The following MACROD2 variants were observed in gnomAD, a reference collection of about 807,000 sequenced individuals.
MACROD2 encodes the protein mono-ADP ribosylhydrolase 2.
In MACROD2, 36 loss-of-function variants were observed where a neutral mutation model predicts 70.4. The observed-to-expected ratio is 0.51, with a 90% CI of 0.39 to 0.68. MACROD2 has a LOEUF of 0.68. Among genes scored for constraint, MACROD2 ranks in the 30% least tolerant of loss-of-function variants. MACROD2 has a pLI of 0.00. For missense variants in MACROD2, 496 were observed against 538.4 expected, an observed-to-expected ratio of 0.92 and a Z score of 0.78; for synonymous variants, 172 against 178.8, an observed-to-expected ratio of 0.96 and a Z score of 0.30.
intron 5 of MACROD2, among the ~76,000 whole-genome samples, chr20:14,955,009 T>A (rs371102380): frequency 1.0e-5 from 1 of 97,616 alleles, no homozygotes; most frequent in Non-Finnish European, 1.9e-5. Context: ...ATATTTATAT[T>A]TATATTATAT....
chr20:15,638,460 A>G (rs766700159), intron 8 of MACROD2, among the ~76,000 whole-genome samples: 1 of 152,196 alleles, frequency 6.6e-6, no homozygotes, highest in Non-Finnish European at 1.5e-5. Context: ...TAACAGGTGA[A>G]TGTCATAGGC....
At position 15,171,625 on chromosome 20, in the gene MACROD2, C is replaced by G. The variant is rs73258868; in HGVS notation, c.419-58315C>G. On this transcript the variant is annotated intron_variant, in intron 5 of 17. Coordinates refer to ENST00000684519, the MANE Select transcript of MACROD2 (RefSeq NM_001351661.2). Reference sequence around the variant, plus strand: ...CCATCCCACTCAGTCTCTCTTCTCTCTCTCTCTCCCCTCTCTTTCTCTCAA... The same window carrying G: ...CCATCCCACTCAGTCTCTCTTCTCTGTCTCTCTCCCCTCTCTTTCTCTCAA... Among the ~76,000 whole-genome samples, 480 of 152,206 alleles carry G rather than the reference C, an allele frequency of 3.2e-3. 3 individuals carry two copies. Among genetic ancestry groups the G allele is most frequent in the African/African-American group, 0.011 (462 of 41,530 alleles).
At chr20:15,133,424 A>G (rs1412560345) in intron 5 of MACROD2, among the ~76,000 whole-genome samples, 1 of 152,182 alleles carries the variant, frequency 6.6e-6, no homozygotes, top group South Asian at 2.1e-4. Context: ...ATTGTTGGTA[A>G]GTCTCATACA....
intron 7 of MACROD2, among the ~76,000 whole-genome samples, chr20:15,435,763 T>G (rs1450419696): frequency 1.3e-5 from 2 of 152,128 alleles, no homozygotes; most frequent in Non-Finnish European, 2.9e-5. Flanking sequence ...GATTTCACCC[T>G]AGAGAGAGTA....
chr20:15,288,625 G>T (rs1169800610), intron 6 of MACROD2, among the ~76,000 whole-genome samples: 4 of 152,054 alleles, frequency 2.6e-5, no homozygotes, highest in African/African-American at 4.8e-5. Flanking sequence ...CCGGAACTAG[G>T]ATCCCGTTTT....
chr20:15,294,835 T>TA (rs1204983122), intron 6 of MACROD2, among the ~76,000 whole-genome samples: 1 of 152,102 alleles, frequency 6.6e-6, no homozygotes, highest in African/African-American at 2.4e-5. Context: ...ATAAACCCAT[T>TA]AAAAAACAAA....
chr20:15,234,010 T>TATA (rs1299319044), intron 6 of MACROD2, among the ~76,000 whole-genome samples: 136 of 42,382 alleles, frequency 3.2e-3, no homozygotes, highest in Middle Eastern at 0.016. Flanking sequence ...TATATATATA[T>TATA]TCTTTTTTTT....
At chr20:15,206,226 A>G (rs1431061350) in intron 5 of MACROD2, among the ~76,000 whole-genome samples, 1 of 152,248 alleles carries the variant, frequency 6.6e-6, no homozygotes, top group Non-Finnish European at 1.5e-5. Context: ...AAAAATCAAG[A>G]AGCAAATATG....
At chr20:14,767,592 C>T (rs1006708774) in intron 5 of MACROD2, among the ~76,000 whole-genome samples, 1 of 151,942 alleles carries the variant, frequency 6.6e-6, no homozygotes, top group Non-Finnish European at 1.5e-5. Context: ...TCAGTTTCTT[C>T]TTTGGTTAAA....
chr20:14,624,392 T>G (rs6033991), intron 4 of MACROD2, among the ~76,000 whole-genome samples: 73,656 of 151,926 alleles, frequency 0.48, 20,183 homozygotes, highest in African/African-American at 0.75. Context: ...TTTGATTGGG[T>G]TTTAGAATAG....
chr20:15,006,460 C>T (rs1410602369), intron 5 of MACROD2, among the ~76,000 whole-genome samples: 1 of 151,852 alleles, frequency 6.6e-6, no homozygotes, highest in Non-Finnish European at 1.5e-5. Context: ...ACATTATATA[C>T]TTAAAATTTG....
intron 2 of MACROD2, among the ~76,000 whole-genome samples, chr20:14,046,763 G>C (rs1569133222): frequency 7.0e-6 from 1 of 142,772 alleles, no homozygotes; most frequent in African/African-American, 2.6e-5. Context: ...TTATTAAGCT[G>C]TTTGTGATCC....
intron 8 of MACROD2, among the ~76,000 whole-genome samples, chr20:15,744,887 A>G (rs1184023888): frequency 6.6e-6 from 1 of 152,146 alleles, no homozygotes; most frequent in Non-Finnish European, 1.5e-5. Flanking sequence ...CACAGCGTGC[A>G]GGTTTCTTAC....
chr20:14,400,192 C>A (rs770245689), intron 3 of MACROD2, among the ~76,000 whole-genome samples: 3 of 151,992 alleles, frequency 2.0e-5, no homozygotes, highest in Non-Finnish European at 4.4e-5. Flanking sequence ...AACTTTTATT[C>A]TAGGATTCAT....
At chr20:16,022,495 C>T (rs73237767) in intron 15 of MACROD2, among the ~76,000 whole-genome samples, 1 of 152,224 alleles carries the variant, frequency 6.6e-6, no homozygotes, top group South Asian at 2.1e-4. Flanking sequence ...GCCAATGACT[C>T]TCAAGCTTTT....
intron 4 of MACROD2, among the ~76,000 whole-genome samples, chr20:14,507,442 A>G (rs2084981294): frequency 6.6e-6 from 1 of 152,190 alleles, no homozygotes; most frequent in Non-Finnish European, 1.5e-5. Flanking sequence ...TGGGAAGAAG[A>G]AGAATTTCTG....
At chr20:14,675,255 G>C (rs965525567) in intron 4 of MACROD2, among the ~76,000 whole-genome samples, 1 of 152,158 alleles carries the variant, frequency 6.6e-6, no homozygotes, top group East Asian at 1.9e-4. Flanking sequence ...ATAATCGTCA[G>C]ATTCGCCAAG....
intron 8 of MACROD2, among the ~76,000 whole-genome samples, chr20:15,850,568 C>T (rs2064285949): frequency 6.6e-6 from 1 of 152,196 alleles, no homozygotes; most frequent in Non-Finnish European, 1.5e-5. Flanking sequence ...TAATCCATTT[C>T]TCACATAGAA....
At chr20:14,261,642 G>T (rs917686854) in intron 3 of MACROD2, among the ~76,000 whole-genome samples, 3 of 152,176 alleles carry the variant, frequency 2.0e-5, no homozygotes, top group Admixed American at 2.0e-4. Context: ...ATGTGTGTAT[G>T]TTGAATGAGA....
Sources: allele counts gnomAD v4.1 joint callset (sites outside exome capture counted in the v4.1 genomes callset), GRCh38; gene constraint gnomAD v4.1.1; transcripts MANE v1.5; gene names NCBI Gene and HGNC (gene_info 2026-07-23, HGNC 2026-07-21).